The following DCUN1D4 variants were observed in gnomAD, a reference collection of about 807,000 sequenced individuals.
DCUN1D4 encodes the protein DCN1-like protein 4.
In DCUN1D4, 22 loss-of-function variants were observed where a neutral mutation model predicts 47.9. The observed-to-expected ratio is 0.46, with a 90% confidence interval of 0.33 to 0.66. The LOEUF (loss-of-function observed/expected upper bound fraction) is 0.66. Ranked by LOEUF, DCUN1D4 falls within the 30% of genes least tolerant of loss-of-function variation. The pLI is 0.02. For missense variants in DCUN1D4, 301 were observed against 340.8 expected (o/e 0.88, Z 0.92); for synonymous variants, 121 against 112.2 (o/e 1.08, Z -0.50).
At chr4:51,877,196 A>G (rs1010301619) in intron 4 of DCUN1D4, among the ~76,000 whole-genome samples, 4 of 152,220 alleles carry the variant, frequency 2.6e-5, no homozygotes, top group South Asian at 2.1e-4. Context: ...TTCTAAGGTT[A>G]TACTAATCAA....
chr4:51,891,727 A>T lies in DCUN1D4; in HGVS notation c.415-33A>T, dbSNP rs372183101. 8.2e-6 allele frequency: 12 copies of T among 1,468,084 alleles called. No individual in the cohort carries two copies. In the African/African-American group the frequency reaches 1.0e-4, roughly 12 times the overall value. 90.9% of individuals were successfully genotyped at this position (1,468,084 alleles called of 1,614,324 possible). On this transcript the variant is annotated intron_variant, in intron 6 of 10. Coordinates refer to ENST00000334635, the MANE Select transcript of DCUN1D4 (RefSeq NM_001040402.3). ...TTTTTCTTTTTAATTTGTGTAATATATTTTTTTTTAATTGTGTATTTTTTT... is the reference window on the plus strand; with the variant it reads ...TTTTTCTTTTTAATTTGTGTAATATTTTTTTTTTTAATTGTGTATTTTTTT...
At chr4:51,905,369 C>A in intron 8 of DCUN1D4, 1 of 270,486 alleles carries the variant, frequency 3.7e-6, no homozygotes, top group Non-Finnish European at 7.9e-6. Flanking sequence ...CAAAGCTCTC[C>A]TCCCGCTGTG....
chr4:51,874,168 A>T, intron 3 of DCUN1D4, 103 bp from the exon 4 acceptor site: 1 of 613,046 alleles, frequency 1.6e-6, no homozygotes, highest in Non-Finnish European at 2.6e-6. Context: ...ATTCCTTACA[A>T]TACAAGCTGT....
intron 3 of DCUN1D4, among the ~76,000 whole-genome samples, chr4:51,869,895 C>A (rs890056968): frequency 7.2e-5 from 11 of 152,092 alleles, no homozygotes; most frequent in Admixed American, 2.0e-4. Context: ...TTAATTTGTT[C>A]TCTTGAAACA....
At position 51,862,992 on chromosome 4, in the gene DCUN1D4, C is replaced by T. The variant is rs555162028; in HGVS notation, c.26-445C>T. On this transcript the variant is annotated intron_variant, in intron 1 of 10. Transcript: ENST00000334635. ...CACCACTGCACTTCAGCCTGGGCAACGTAGTGAGATCCTGTCTCAAAAAAA... is the reference window on the plus strand; with the variant it reads ...CACCACTGCACTTCAGCCTGGGCAATGTAGTGAGATCCTGTCTCAAAAAAA... Among the ~76,000 whole-genome samples, 8 of 152,138 alleles carry T rather than the reference C, an allele frequency of 5.3e-5. No individual in the cohort carries two copies. The East Asian group carries it at 7.7e-4, about 15-fold the overall frequency.
At chr4:51,841,800 C>T (rs1721673554), upstream of DCUN1D4, among the ~76,000 whole-genome samples, 1 of 151,928 alleles carries the variant, frequency 6.6e-6, no homozygotes, top group Admixed American at 6.6e-5. Flanking sequence ...CCTGGAAACC[C>T]AAAAGCCTGG....
upstream of DCUN1D4, among the ~76,000 whole-genome samples, chr4:51,839,213 G>A (rs1442596078): frequency 1.1e-4 from 12 of 108,718 alleles, no homozygotes; most frequent in South Asian, 6.1e-4. Flanking sequence ...GAAGGAAGGA[G>A]GGAAGGAAAG....
At chr4:51,848,081 C>T (rs973209746) in intron 1 of DCUN1D4, 2 of 634,448 alleles carry the variant, frequency 3.2e-6, no homozygotes, top group Non-Finnish European at 4.7e-6. Context: ...CTTCCTGTTC[C>T]TGTTGTCTTT....
At position 51,895,559 on chromosome 4, in the gene DCUN1D4, TAAA is replaced by T. The variant is rs67542268; in HGVS notation, c.507-3684_507-3682del. Among the ~76,000 whole-genome samples, 566 of 88,498 alleles carry T rather than the reference TAAA, an allele frequency of 6.4e-3. 3 individuals are homozygous for T. Among genetic ancestry groups the T allele is most frequent in the African/African-American group, 0.011 (296 of 27,670 alleles). The allele number at this position is 88,498 out of a possible 152,430, so 58.1% of individuals were successfully genotyped here. On this transcript the variant is annotated intron_variant, in intron 7 of 10. Transcript: ENST00000334635. ...TTAAGCTAATTGTGGTGCTTAAACTTAAAAAAAAAAAAAAAAAAAAAAAAAAAA... is the reference window on the plus strand; with the variant it reads ...TTAAGCTAATTGTGGTGCTTAAACTTAAAAAAAAAAAAAAAAAAAAAAAAA...
intron 9 of DCUN1D4, among the ~76,000 whole-genome samples, chr4:51,912,135 T>C (rs1733805087): frequency 6.6e-6 from 1 of 152,196 alleles, no homozygotes; most frequent in Admixed American, 6.5e-5. Flanking sequence ...TTACCCAAAA[T>C]AGTCCATGTT....
At chr4:51,845,945 TA>T (rs751445155) in intron 1 of DCUN1D4, among the ~76,000 whole-genome samples, 3 of 152,194 alleles carry the variant, frequency 2.0e-5, no homozygotes, top group South Asian at 2.1e-4. Flanking sequence ...CTTGGTAATA[TA>T]AAAATATGTA....
At chr4:51,859,036 C>T (rs1214568027) in intron 1 of DCUN1D4, among the ~76,000 whole-genome samples, 8 of 152,164 alleles carry the variant, frequency 5.3e-5, no homozygotes, top group African/African-American at 9.7e-5. Flanking sequence ...ATGTTTATTT[C>T]TCCAGATGAA....
At chr4:51,877,967 G>A in intron 5 of DCUN1D4, 113 bp downstream of exon 5, 1 of 615,900 alleles carries the variant, frequency 1.6e-6, no homozygotes, top group Non-Finnish European at 2.6e-6. Context: ...GTGTGTGTGT[G>A]TGTGTCCCTG....
At chr4:51,859,216 T>C (rs546031120) in intron 1 of DCUN1D4, among the ~76,000 whole-genome samples, 8 of 152,296 alleles carry the variant, frequency 5.3e-5, no homozygotes, top group African/African-American at 1.7e-4. Flanking sequence ...TCCAGAAATA[T>C]CTCTTTACGT....
At chr4:51,898,844 A>G (rs990982641) in intron 7 of DCUN1D4, among the ~76,000 whole-genome samples, 20 of 152,234 alleles carry the variant, frequency 1.3e-4, no homozygotes, top group African/African-American at 4.8e-4. Context: ...GATTGAAAAC[A>G]GCAGCTATAA....
chr4:51,855,679 G>A (rs963287369), intron 1 of DCUN1D4, among the ~76,000 whole-genome samples: 1 of 152,216 alleles, frequency 6.6e-6, no homozygotes, highest in Admixed American at 6.5e-5. Flanking sequence ...ACTTAGGTCA[G>A]ATCACGTAGA....
intron 1 of DCUN1D4, chr4:51,860,685 T>A: frequency 2.2e-6 from 1 of 453,638 alleles, no homozygotes; most frequent in Non-Finnish European, 4.4e-6. Context: ...TGCCACACAC[T>A]TTTAAATGAC....
chr4:51,888,670 G>C, intron 6 of DCUN1D4, among the ~76,000 whole-genome samples: 1 of 147,854 alleles, frequency 6.8e-6, no homozygotes, highest in East Asian at 2.0e-4. Context: ...AGTGAGCAGA[G>C]CCGACATCAT....
At chr4:51,834,907 T>C in the DCUN1D4 span, among the ~76,000 whole-genome samples, 1 of 152,226 alleles carries the variant, frequency 6.6e-6, no homozygotes, top group Admixed American at 6.5e-5. Context: ...TGCCAACTTG[T>C]GGTCCTGTTT....
Sources: gnomAD v4.1 joint callset for allele counts (sites outside exome capture counted in the v4.1 genomes callset) on GRCh38, gnomAD v4.1.1 for gene constraint, MANE v1.5 for transcripts, NCBI Gene and HGNC (gene_info 2026-07-23, HGNC 2026-07-21) for gene names.